SAMTOR: variants seen among roughly 807,000 people sequenced by gnomAD.
SAMTOR encodes UPF0532 protein C7orf60.
the SAMTOR span, among the ~76,000 whole-genome samples, chr7:112,912,867 CAAGTAGAAGGT>C: frequency 6.6e-6 from 1 of 152,006 alleles, no homozygotes; most frequent in Non-Finnish European, 1.5e-5. Context: ...ATTCATTGTT[CAAGTAGAAGGT>C]GAAAGCAATT....
At chr7:112,821,774 C>T in the SAMTOR span, 2 of 1,609,232 alleles carry the variant, frequency 1.2e-6, no homozygotes, top group Non-Finnish European at 1.7e-6. Context: ...GGTCTTCTAG[C>T]TCATAGAAAG....
At chr7:112,870,340 A>G in the SAMTOR span, among the ~76,000 whole-genome samples, 4 of 152,206 alleles carry the variant, frequency 2.6e-5, no homozygotes, top group African/African-American at 9.6e-5. Flanking sequence ...TCTGAGGAGA[A>G]ATCTTACAAG....
At chr7:112,859,262 T>C in the SAMTOR span, among the ~76,000 whole-genome samples, 1 of 152,154 alleles carries the variant, frequency 6.6e-6, no homozygotes, top group Non-Finnish European at 1.5e-5. Flanking sequence ...CATAACAACG[T>C]TTTCAGTCAA....
the SAMTOR span, among the ~76,000 whole-genome samples, chr7:112,832,217 G>A: frequency 3.3e-5 from 5 of 152,062 alleles, no homozygotes; most frequent in South Asian, 1.0e-3. Context: ...GTTTCACCAT[G>A]TTGGCCAGGC....
At chr7:112,890,130 T>C in the SAMTOR span, among the ~76,000 whole-genome samples, 1 of 152,112 alleles carries the variant, frequency 6.6e-6, no homozygotes, top group Non-Finnish European at 1.5e-5. Context: ...GGGGAGGCTA[T>C]GTGAATATGC....
the SAMTOR span, chr7:112,822,299 A>G: frequency 6.2e-7 from 1 of 1,613,536 alleles, no homozygotes; most frequent in Non-Finnish European, 8.5e-7. Flanking sequence ...GCTTCAAAAA[A>G]GCATCTATAG....
chr7:112,881,070 G>A, the SAMTOR span, among the ~76,000 whole-genome samples: 4 of 152,314 alleles, frequency 2.6e-5, no homozygotes, highest in South Asian at 2.1e-4. Context: ...AAGCTCCACT[G>A]CCCCGCAGGC....
At chr7:112,924,281 T>C in the SAMTOR span, among the ~76,000 whole-genome samples, 2 of 152,168 alleles carry the variant, frequency 1.3e-5, no homozygotes, top group South Asian at 2.1e-4. Context: ...CTTAAGGTTA[T>C]TGAATTCTTA....
At chr7:112,874,839 GT>G in the SAMTOR span, among the ~76,000 whole-genome samples, 1 of 151,984 alleles carries the variant, frequency 6.6e-6, no homozygotes, top group Non-Finnish European at 1.5e-5. Flanking sequence ...ATCATTCTAT[GT>G]GCTGTCATAA....
the SAMTOR span, among the ~76,000 whole-genome samples, chr7:112,926,414 C>T: frequency 6.6e-6 from 1 of 152,328 alleles, no homozygotes; most frequent in Non-Finnish European, 1.5e-5. Context: ...GTTTTTCATA[C>T]TCAACAAAAT....
At chr7:112,919,073 G>A in the SAMTOR span, among the ~76,000 whole-genome samples, 1 of 152,166 alleles carries the variant, frequency 6.6e-6, no homozygotes, top group African/African-American at 2.4e-5. Flanking sequence ...TCCAGGAACT[G>A]AACTCAGCTC....
the SAMTOR span, among the ~76,000 whole-genome samples, chr7:112,887,789 G>C: frequency 6.3e-4 from 96 of 152,054 alleles, no homozygotes; most frequent in African/African-American, 2.1e-3. Flanking sequence ...GTAATGGTGG[G>C]CTCTCTTTCA....
chr7:112,939,654 G>C, the SAMTOR span: 1 of 1,613,874 alleles, frequency 6.2e-7, no homozygotes, highest in Non-Finnish European at 8.5e-7. Flanking sequence ...AGCTTCTCCT[G>C]CTCCAGTTTC....
the SAMTOR span, among the ~76,000 whole-genome samples, chr7:112,912,319 G>T: frequency 6.6e-6 from 1 of 151,858 alleles, no homozygotes; most frequent in African/African-American, 2.4e-5. Flanking sequence ...CTTTATTGAA[G>T]GTATAGCTAT....
chr7:112,860,468 C>A, the SAMTOR span, among the ~76,000 whole-genome samples: 5 of 152,114 alleles, frequency 3.3e-5, no homozygotes, highest in Non-Finnish European at 7.4e-5. Context: ...TTATTGCATC[C>A]TGCGACTGTA....
chr7:112,891,222 C>G, the SAMTOR span, among the ~76,000 whole-genome samples: 1 of 152,134 alleles, frequency 6.6e-6, no homozygotes, highest in South Asian at 2.1e-4. Context: ...GTCCATAACA[C>G]ATGAGTTAAA....
chr7:112,924,174 C>T, the SAMTOR span, among the ~76,000 whole-genome samples: 18 of 151,196 alleles, frequency 1.2e-4, no homozygotes, highest in African/African-American at 4.1e-4. Flanking sequence ...GCATATGTAC[C>T]CTAAAACTTA....
At chr7:112,865,711 A>C in the SAMTOR span, among the ~76,000 whole-genome samples, 1 of 145,826 alleles carries the variant, frequency 6.9e-6, no homozygotes, top group Non-Finnish European at 1.5e-5. Context: ...ATATTCATAT[A>C]TATTTCATAT....
chr7:112,895,536 C>T, the SAMTOR span: 1 of 1,453,272 alleles, frequency 6.9e-7, no homozygotes, highest in African/African-American at 1.4e-5. Context: ...ATACAGTTAT[C>T]CAGGATAATC....
Sources: gnomAD v4.1 joint callset for allele counts (sites outside exome capture counted in the v4.1 genomes callset) on GRCh38, gnomAD v4.1.1 for gene constraint, MANE v1.5 for transcripts, NCBI Gene and HGNC (gene_info 2026-07-23, HGNC 2026-07-21) for gene names.